Variants in ME2 observed in about 807,000 individuals in gnomAD.
ME2 encodes the protein malic enzyme 2.
ME2 carries 60 observed loss-of-function variants against 73.7 expected under a neutral mutation model. The ratio of observed to expected loss-of-function variants is 0.81; its 90% CI spans 0.66 to 1.01. The LOEUF (loss-of-function observed/expected upper bound fraction) is 1.01, where lower values mean the gene tolerates loss of function less well. ME2 is among the 50% of genes least tolerant of loss of function. The pLI is 0.00. For missense variants in ME2, 594 were observed against 705.5 expected, an observed-to-expected ratio of 0.84 and a Z score of 1.79; for synonymous variants, 199 against 236.9, an observed-to-expected ratio of 0.84 and a Z score of 1.47.
chr18:50,913,798 C>G (rs1917218039), intron 4 of ME2, among the ~76,000 whole-genome samples: 1 of 149,288 alleles, frequency 6.7e-6, no homozygotes, highest in Non-Finnish European at 1.5e-5. Flanking sequence ...ATAGCAGGAC[C>G]TATCAAAGAG....
In ME2 at chr18:50,949,003, C is replaced by G. The variant is rs1207349470; in HGVS notation, c.*1819C>G. 1.3e-5 allele frequency: 2 copies of G among 151,818 alleles called. No individual in the cohort carries two copies. Among genetic ancestry groups the G allele is most frequent in the African/African-American group, 2.4e-5 (1 of 41,230 alleles). The allele number at this position is 151,818 out of a possible 1,614,324, so 9.4% of individuals were successfully genotyped here. ...TACAGGCACCGGCCACCACACCCAG[C>G]TAATTTTTGTATTTTTAGTAGAGAT... On this transcript the variant is annotated 3_prime_UTR_variant, in exon 16 of 16. Transcript: ENST00000321341.
intron 3 of ME2, among the ~76,000 whole-genome samples, chr18:50,908,703 C>T (rs528524249): frequency 2.8e-4 from 43 of 152,062 alleles, no homozygotes; most frequent in African/African-American, 9.4e-4. Flanking sequence ...TGCAGTGGTG[C>T]GATCTCAGCT....
rs146853292 is a variant in ME2, at chr18:50,928,978, A to G, written c.1314+3080A>G. On this transcript the variant is annotated intron_variant, in intron 12 of 15. Coordinates refer to ENST00000321341, the MANE Select transcript of ME2 (RefSeq NM_002396.5). The stretch of plus-strand genomic sequence containing the variant: ...TGGAAACCTCTCTTCCCCAACACCA[A>G]ACTCTCACTATCTTGTTAGGTCTCT... Among the ~76,000 whole-genome samples, 9 of 151,940 alleles carry G rather than the reference A, an allele frequency of 5.9e-5. No individual in the cohort carries two copies. The East Asian group carries it at 1.7e-3, about 30-fold the overall frequency.
intron 12 of ME2, among the ~76,000 whole-genome samples, chr18:50,928,017 C>T (rs1917601380): frequency 6.6e-6 from 1 of 151,364 alleles, no homozygotes; most frequent in Non-Finnish European, 1.5e-5. Flanking sequence ...CAAGGTCTTG[C>T]TTTGTTGGCC....
At chr18:50,896,697 T>G (rs1353551715) in intron 2 of ME2, among the ~76,000 whole-genome samples, 1 of 152,292 alleles carries the variant, frequency 6.6e-6, no homozygotes, top group East Asian at 1.9e-4. Context: ...AAAGTGTGAC[T>G]TATTTTAAAA....
rs1484630368 is a variant in ME2 at position 50,952,975 on chromosome 18, T to C, written c.*5791T>C. The C allele has an allele frequency of 2.0e-5, 3 of 152,216 alleles. No individual in the cohort carries two copies. Among genetic ancestry groups the C allele is most frequent in the Non-Finnish European group, 2.9e-5 (2 of 68,028 alleles). The allele number at this position is 152,216 out of a possible 1,614,324, so 9.4% of individuals were successfully genotyped here. On this transcript the variant is annotated 3_prime_UTR_variant, in exon 16 of 16. Transcript: ENST00000321341. The stretch of plus-strand genomic sequence containing the variant: ...ATGACTTGTCAAAGGTCTTATGATG[T>C]GTGGCAGAGCCTGGGTTTTTAGCTC...
intron 7 of ME2, among the ~76,000 whole-genome samples, chr18:50,919,059 A>G: frequency 1.7e-5 from 1 of 58,714 alleles, no homozygotes; most frequent in South Asian, 8.3e-4. Context: ...CTTCTCCGTC[A>G]GTCAGATTTC....
At chr18:50,939,495 T>C in intron 13 of ME2, 75 bp from the exon 14 acceptor site, 11 of 980,502 alleles carry the variant, frequency 1.1e-5, no homozygotes, top group Non-Finnish European at 1.8e-5. Flanking sequence ...ACCATTTATT[T>C]GCCTGAATAT....
intron 1 of ME2, among the ~76,000 whole-genome samples, chr18:50,890,850 C>A (rs1404095829): frequency 6.6e-6 from 1 of 152,148 alleles, no homozygotes; most frequent in African/African-American, 2.4e-5. Context: ...CTGGACAGAG[C>A]TATTACGACT....
chr18:50,890,035 T>C (rs905865607), intron 1 of ME2, among the ~76,000 whole-genome samples: 2 of 152,128 alleles, frequency 1.3e-5, no homozygotes, highest in South Asian at 2.1e-4. Context: ...TTCATTTAGC[T>C]GAAGTGATTT....
intron 10 of ME2, 113 bp downstream of exon 10, chr18:50,921,300 A>G (rs1014585152): frequency 1.1e-5 from 6 of 538,760 alleles, no homozygotes; most frequent in Admixed American, 7.8e-5. Flanking sequence ...AATTATACCA[A>G]TTGGGACCTT....
At position 50,917,438 on chromosome 18, in the gene ME2, A is replaced by G. The variant is rs1917310698; in HGVS notation, c.560A>G (p.Tyr187Cys). ...ATTCCAGTAGGAAAACTTTGTTTGT[A>G]TACAGCTTGTGCAGGAATACGGCCT... ...MGIPVGKLCL[Y>C]TACAGIRPDR... Residue 187 changes from tyrosine to cysteine, a missense_variant, in exon 6 of 16, where the codon TAT becomes TGT. Coordinates refer to ENST00000321341, the MANE Select transcript of ME2 (RefSeq NM_002396.5). The G allele has an allele frequency of 1.2e-6, 2 of 1,613,786 alleles. No individual in the cohort carries two copies. Among genetic ancestry groups the G allele is most frequent in the South Asian group, 1.1e-5 (1 of 91,054 alleles).
chr18:50,926,842 T>G (rs1917564403), intron 12 of ME2, among the ~76,000 whole-genome samples: 1 of 152,246 alleles, frequency 6.6e-6, no homozygotes, highest in African/African-American at 2.4e-5. Context: ...TTTATCTGTA[T>G]AGTAATTTAT....
intron 1 of ME2, among the ~76,000 whole-genome samples, chr18:50,885,974 TTAAAAA>T (rs1916454260): frequency 6.6e-6 from 1 of 152,284 alleles, no homozygotes; most frequent in African/African-American, 2.4e-5. Context: ...ATTCTCTCTC[TTAAAAA>T]TAAAATCAAT....
At chr18:50,909,090 A>G (rs1302776300) in intron 3 of ME2, among the ~76,000 whole-genome samples, 1 of 151,694 alleles carries the variant, frequency 6.6e-6, no homozygotes, top group Non-Finnish European at 1.5e-5. Context: ...AGTAGCTGGG[A>G]TTACAGGAGT....
chr18:50,938,779 A>G (rs1371365722), intron 13 of ME2, among the ~76,000 whole-genome samples: 2 of 152,204 alleles, frequency 1.3e-5, no homozygotes, highest in Non-Finnish European at 2.9e-5. Flanking sequence ...GAGCTTTAGT[A>G]GATATATTCT....
In ME2 at chr18:50,908,068, G is replaced by A; in HGVS notation, c.114G>A (p.Met38Ile). The change falls in exon 3 of 16, where the codon ATG becomes ATA. Residue 38 changes from methionine to isoleucine, a missense_variant. Coordinates refer to ENST00000321341, the MANE Select transcript of ME2 (RefSeq NM_002396.5). Reference sequence around the variant, plus strand: ...CTTTTATTTCTCCTCTTTAGGGAATGGCATTTACTTTACAAGAACGACAAA... The same window carrying A: ...CTTTTATTTCTCCTCTTTAGGGAATAGCATTTACTTTACAAGAACGACAAA... ...LMLNPRTNKG[M>I]AFTLQERQML... The A allele has an allele frequency of 1.3e-6, 2 of 1,567,894 alleles. No individual in the cohort carries two copies. The highest frequency in any genetic ancestry group is 1.7e-6 in the Non-Finnish European group (2 of 1,157,838).
chr18:50,926,034 T>C (rs1414202112), intron 12 of ME2, 136 bp downstream of exon 12: 1 of 603,236 alleles, frequency 1.7e-6, no homozygotes, highest in Non-Finnish European at 2.9e-6. Flanking sequence ...AAGTCTGATA[T>C]TAATTATTGC....
chr18:50,926,002 A>T, intron 12 of ME2, 104 bp downstream of exon 12: 1 of 799,704 alleles, frequency 1.3e-6, no homozygotes, highest in South Asian at 1.7e-5. Flanking sequence ...TAGAGATTAC[A>T]GCATGCATCT....
Sources: allele counts gnomAD v4.1 joint callset (sites outside exome capture counted in the v4.1 genomes callset), GRCh38; gene constraint gnomAD v4.1.1; transcripts MANE v1.5; gene names NCBI Gene and HGNC (gene_info 2026-07-23, HGNC 2026-07-21).